IMPG2: variants seen among roughly 807,000 people sequenced by gnomAD.
IMPG2 encodes the protein IPM 200.
In IMPG2, 91 loss-of-function variants were observed where a neutral mutation model predicts 129.2. The ratio of observed to expected loss-of-function variants is 0.70; its 90% CI spans 0.59 to 0.84. The LOEUF (loss-of-function observed/expected upper bound fraction) is 0.84, where lower values mean the gene tolerates loss of function less well. IMPG2 is among the 40% of genes least tolerant of loss of function. The pLI is 0.00. For synonymous variants in IMPG2, 510 were observed against 517.7 expected (o/e 0.99, Z 0.20); for missense variants, 1,430 against 1,461.7 (o/e 0.98, Z 0.35).
At chr3:101,294,462 C>T (rs1209982640) in intron 3 of IMPG2, among the ~76,000 whole-genome samples, 1 of 152,070 alleles carries the variant, frequency 6.6e-6, no homozygotes, top group Non-Finnish European at 1.5e-5. Context: ...ATGGTGTATA[C>T]GCACCACGTT....
At chr3:101,290,241 A>G (rs1706990964) in intron 4 of IMPG2, among the ~76,000 whole-genome samples, 2 of 152,086 alleles carry the variant, frequency 1.3e-5, no homozygotes, top group Admixed American at 1.3e-4. Context: ...AGTGGCTCAC[A>G]CCTGCAATCA....
intron 2 of IMPG2, among the ~76,000 whole-genome samples, chr3:101,314,642 C>T (rs929453588): frequency 2.6e-5 from 4 of 152,056 alleles, no homozygotes; most frequent in Admixed American, 2.0e-4. Flanking sequence ...TTTGTACAAA[C>T]CTTTACTATT....
At chr3:101,256,217 G>GAAAGAAA (rs1553682324) in intron 10 of IMPG2, among the ~76,000 whole-genome samples, 6 of 138,268 alleles carry the variant, frequency 4.3e-5, no homozygotes, top group East Asian at 2.2e-4. Flanking sequence ...AAGAAAGAAA[G>GAAAGAAA]AAAAAAATAT....
At chr3:101,228,771 G>A (rs1706250061) in intron 18 of IMPG2, 26 bp downstream of exon 18, 1 of 1,577,648 alleles carries the variant, frequency 6.3e-7, no homozygotes, top group African/African-American at 1.3e-5. Flanking sequence ...TGTAGGTCGG[G>A]GTGGGGGGCT....
intron 18 of IMPG2, among the ~76,000 whole-genome samples, chr3:101,228,474 C>A (rs181010832): frequency 6.6e-6 from 1 of 152,128 alleles, no homozygotes; most frequent in Non-Finnish European, 1.5e-5. Context: ...GTAGTCCAGG[C>A]GTCTCTAGTC....
intron 10 of IMPG2, among the ~76,000 whole-genome samples, chr3:101,255,097 A>C (rs1706584320): frequency 6.6e-6 from 1 of 152,082 alleles, no homozygotes; most frequent in South Asian, 2.1e-4. Flanking sequence ...TAAGTCAATT[A>C]AACCTCTTTC....
intron 13 of IMPG2, 58 bp downstream of exon 13, chr3:101,243,471 G>A (rs1272250783): frequency 3.4e-6 from 5 of 1,453,846 alleles, no homozygotes; most frequent in East Asian, 2.3e-5. Context: ...TAGAGGGGAG[G>A]AGGAGTCGGT....
chr3:101,233,439 A>G (rs1367993049), intron 14 of IMPG2, among the ~76,000 whole-genome samples: 1 of 152,164 alleles, frequency 6.6e-6, no homozygotes, highest in Non-Finnish European at 1.5e-5. Flanking sequence ...GAGAACATGA[A>G]TGGGGAGAGA....
At chr3:101,243,479 G>A (rs748135122) in intron 13 of IMPG2, 50 bp downstream of exon 13, 87 of 1,521,044 alleles carry the variant, frequency 5.7e-5, no homozygotes, top group Admixed American at 2.9e-4. Flanking sequence ...AGGAGGAGTC[G>A]GTCATACATG....
chr3:101,255,203 T>C (rs906546499), intron 10 of IMPG2, among the ~76,000 whole-genome samples: 4 of 152,074 alleles, frequency 2.6e-5, no homozygotes, highest in African/African-American at 4.8e-5. Context: ...TCAAGTTACG[T>C]AGAAAGCTGC....
At chr3:101,239,311 T>C (rs1706380921) in intron 14 of IMPG2, among the ~76,000 whole-genome samples, 1 of 152,322 alleles carries the variant, frequency 6.6e-6, no homozygotes, top group Admixed American at 6.5e-5. Flanking sequence ...AAAACATTTA[T>C]GCAGCTAACA....
intron 7 of IMPG2, 30 bp downstream of exon 7, chr3:101,273,551 G>T (rs1054440348): frequency 1.9e-6 from 3 of 1,609,952 alleles, no homozygotes; most frequent in African/African-American, 2.7e-5. Flanking sequence ...CAGGCATACT[G>T]CCTTGTTTGT....
intron 2 of IMPG2, among the ~76,000 whole-genome samples, chr3:101,306,275 G>A (rs1576771109): frequency 6.6e-6 from 1 of 152,184 alleles, no homozygotes. Context: ...TTATTTGGTA[G>A]AAGAAGATAG....
At chr3:101,269,405 A>G (rs1470578393) in intron 8 of IMPG2, 110 bp downstream of exon 8, 25 of 704,924 alleles carry the variant, frequency 3.5e-5, no homozygotes, top group South Asian at 3.2e-4. Context: ...GCATTGAGTT[A>G]CAGCATTCAA....
Position 101,231,112 on chromosome 3 carries a change from G to A in IMPG2, c.3267C>T (p.Gly1089=), listed in dbSNP as rs756049687. 1 of 1,614,014 alleles carries A rather than the reference G, an allele frequency of 6.2e-7. No homozygotes were observed. The highest frequency in any genetic ancestry group is 1.1e-5 in the South Asian group (1 of 91,082). Residue 1089 remains glycine (G), a synonymous_variant, in exon 16 of 19, where the codon GGC becomes GGT. Coordinates refer to ENST00000193391, the MANE Select transcript of IMPG2 (RefSeq NM_016247.4). ...CAGACACAAATTCCTCACAGTGCTT[G>A]CCTCGGTACCACCAGTTCTCACCCA... is the stretch of plus-strand genomic sequence containing the variant. The part of the protein sequence containing the change: ...CRVGENWWYR[G]KHCEEFVSEP...
chr3:101,256,145 A>AAAAGAAAGAAAGAAAGAAAGAAAG (rs57933330), intron 10 of IMPG2, among the ~76,000 whole-genome samples: 3 of 77,538 alleles, frequency 3.9e-5, no homozygotes, highest in East Asian at 3.9e-4. Flanking sequence ...AGAAAGAAAG[A>AAAAGAAAGAAAGAAAGAAAGAAAG]AAAGAAAGAA....
intron 2 of IMPG2, among the ~76,000 whole-genome samples, chr3:101,316,837 AT>A (rs1355106505): frequency 6.6e-6 from 1 of 152,156 alleles, no homozygotes; most frequent in Admixed American, 6.6e-5. Context: ...AACAACCCAA[AT>A]ATCCCATATT....
chr3:101,309,295 T>C (rs956862777), intron 2 of IMPG2, among the ~76,000 whole-genome samples: 1 of 152,190 alleles, frequency 6.6e-6, no homozygotes, highest in Non-Finnish European at 1.5e-5. Context: ...ACCAATTTGC[T>C]GTATTAGTCC....
Position 101,244,386 on chromosome 3 carries a change from G to A in IMPG2, c.1945C>T (p.Leu649=). 2 of 1,614,148 alleles carry A rather than the reference G, an allele frequency of 1.2e-6. No homozygotes were observed. Among genetic ancestry groups the A allele is most frequent in the Non-Finnish European group, 1.7e-6 (2 of 1,180,010 alleles). ...LLPAEIEDKK[L]VLVDKMDSTD... Reference sequence around the variant, plus strand: ...GAATCCATTTTGTCAACTAAAACTAGTTTCTTGTCTTCAATCTCAGCTGGC... The same window carrying A: ...GAATCCATTTTGTCAACTAAAACTAATTTCTTGTCTTCAATCTCAGCTGGC... Residue 649 remains leucine (L), a synonymous_variant, in exon 13 of 19, where the codon CTA becomes TTA. Coordinates refer to ENST00000193391, the MANE Select transcript of IMPG2 (RefSeq NM_016247.4).
Sources: allele counts gnomAD v4.1 joint callset (sites outside exome capture counted in the v4.1 genomes callset), GRCh38; gene constraint gnomAD v4.1.1; transcripts MANE v1.5; gene names NCBI Gene and HGNC (gene_info 2026-07-23, HGNC 2026-07-21).